SAMD5: variants seen among roughly 807,000 people sequenced by gnomAD.
SAMD5 encodes the protein sterile alpha motif domain-containing protein 5.
SAMD5 carries 13 observed loss-of-function variants against 11.3 expected under a neutral mutation model. That is an observed-to-expected ratio of 1.15 (90% CI 0.75 to 1.83). The LOEUF (loss-of-function observed/expected upper bound fraction) is 1.83. SAMD5 is among the 40% of genes most tolerant of loss of function. The probability of loss-of-function intolerance (pLI) is 0.00; values close to 1 mark genes in which losing one functional copy is unlikely to be tolerated. For synonymous variants in SAMD5, 129 were observed against 111.3 expected, an observed-to-expected ratio of 1.16 and a Z score of -1.00; for missense variants, 255 against 239.1, an observed-to-expected ratio of 1.07 and a Z score of -0.44.
intron 1 of SAMD5, among the ~76,000 whole-genome samples, chr6:147,525,492 T>C (rs555298467): frequency 2.6e-5 from 4 of 151,932 alleles, no homozygotes; most frequent in Admixed American, 2.6e-4. Context: ...AATCTTTCAG[T>C]AAACTCTATT....
At chr6:147,582,050 G>A (rs1789305980) in intron 1 of SAMD5, among the ~76,000 whole-genome samples, 4 of 152,104 alleles carry the variant, frequency 2.6e-5, no homozygotes, top group South Asian at 4.2e-4. Flanking sequence ...AGAGAGGGAT[G>A]ACTTTCAGTT....
intron 1 of SAMD5, among the ~76,000 whole-genome samples, chr6:147,623,001 A>C (rs1163519569): frequency 6.6e-6 from 1 of 152,170 alleles, no homozygotes; most frequent in Admixed American, 6.5e-5. Flanking sequence ...CCTCATGATT[A>C]AATTACCTCC....
chr6:147,620,146 C>A (rs901993450), intron 1 of SAMD5, among the ~76,000 whole-genome samples: 4 of 152,182 alleles, frequency 2.6e-5, no homozygotes, highest in African/African-American at 9.7e-5. Context: ...TAGGGAAGCC[C>A]CGTGCGTTCC....
At position 147,568,608 on chromosome 6, in the gene SAMD5, T is replaced by A. The variant is rs1789082023; in HGVS notation, c.*4152T>A. On this transcript the variant is annotated 3_prime_UTR_variant, in exon 2 of 2. Coordinates refer to ENST00000367474, the MANE Select transcript of SAMD5 (RefSeq NM_001030060.3). The stretch of plus-strand genomic sequence containing the variant: ...ATTTTTTATATCAGCTGACATCTTG[T>A]GCTTACAGTAAAGCCATATAGATGC... The A allele has an allele frequency of 1.0e-6, 1 of 985,242 alleles. No homozygotes were observed. Among genetic ancestry groups the A allele is most frequent in the Non-Finnish European group, 1.2e-6 (1 of 829,858 alleles). The allele number at this position is 985,242 out of a possible 1,614,324, so 61.0% of individuals were successfully genotyped here. A position where few individuals can be genotyped will look rare whatever the true frequency, so the allele number is the denominator to read the frequency against.
the SAMD5 span, among the ~76,000 whole-genome samples, chr6:147,875,823 G>A: frequency 1.3e-5 from 2 of 152,116 alleles, no homozygotes; most frequent in African/African-American, 4.8e-5. Context: ...AACCCCAGAT[G>A]GGACCATCTA....
chr6:147,816,301 A>AAAAAAAAAAAAAAAAATATATAT, the SAMD5 span, among the ~76,000 whole-genome samples: 1 of 66,352 alleles, frequency 1.5e-5, no homozygotes, highest in African/African-American at 1.0e-4. Flanking sequence ...AAAAAAAAAA[A>AAAAAAAAAAAAAAAAATATATAT]ATATATATAT....
At chr6:147,669,344 A>G (rs903695072) in intron 1 of SAMD5, among the ~76,000 whole-genome samples, 1 of 151,872 alleles carries the variant, frequency 6.6e-6, no homozygotes, top group Non-Finnish European at 1.5e-5. Flanking sequence ...TGACTCATTC[A>G]TAAGAAGCAA....
the SAMD5 span, among the ~76,000 whole-genome samples, chr6:147,745,993 C>T: frequency 1.6e-4 from 24 of 152,182 alleles, no homozygotes; most frequent in African/African-American, 3.6e-4. Flanking sequence ...CTGCGCTTCT[C>T]GGCCTCCCAG....
At chr6:147,634,569 A>G (rs1306442118) in intron 1 of SAMD5, among the ~76,000 whole-genome samples, 1 of 152,244 alleles carries the variant, frequency 6.6e-6, no homozygotes, top group Non-Finnish European at 1.5e-5. Flanking sequence ...TCCTTTTTAC[A>G]GCAGAGTAAT....
At chr6:147,731,720 T>C (rs1473083393) in intron 1 of SAMD5, among the ~76,000 whole-genome samples, 4 of 132,364 alleles carry the variant, frequency 3.0e-5, no homozygotes, top group African/African-American at 1.1e-4. Context: ...CTTCCTTCCT[T>C]CTTTCCTTCC....
At chr6:147,511,373 T>A (rs1788086000) in intron 1 of SAMD5, among the ~76,000 whole-genome samples, 1 of 152,232 alleles carries the variant, frequency 6.6e-6, no homozygotes, top group Non-Finnish European at 1.5e-5. Context: ...GTGGGTGCTA[T>A]GGTAGTGCAT....
intron 1 of SAMD5, among the ~76,000 whole-genome samples, chr6:147,682,324 G>A (rs1790951512): frequency 6.6e-6 from 1 of 152,204 alleles, no homozygotes; most frequent in South Asian, 2.1e-4. Context: ...GTCATTTCAA[G>A]TGGGAGGATA....
At chr6:147,708,381 G>C (rs1278183342) in intron 1 of SAMD5, among the ~76,000 whole-genome samples, 1 of 152,188 alleles carries the variant, frequency 6.6e-6, no homozygotes, top group African/African-American at 2.4e-5. Flanking sequence ...TGTACTTCCA[G>C]CCTCTCCTTT....
At chr6:147,805,714 C>T in the SAMD5 span, among the ~76,000 whole-genome samples, 4 of 152,064 alleles carry the variant, frequency 2.6e-5, no homozygotes, top group African/African-American at 9.7e-5. Context: ...GTAAAAGCTA[C>T]AGTGCCTCAG....
chr6:147,641,886 T>C (rs1277039569), intron 1 of SAMD5, among the ~76,000 whole-genome samples: 1 of 152,208 alleles, frequency 6.6e-6, no homozygotes, highest in Non-Finnish European at 1.5e-5. Flanking sequence ...CATTTTCCCC[T>C]CAATTTATTT....
chr6:147,890,225 GA>G, the SAMD5 span, among the ~76,000 whole-genome samples: 814 of 151,348 alleles, frequency 5.4e-3, 11 homozygotes, highest in African/African-American at 0.018. Flanking sequence ...AAATCATTAA[GA>G]AAAAAAGATA....
At chr6:147,575,108 T>C (rs1333965154) in intron 1 of SAMD5, among the ~76,000 whole-genome samples, 1 of 152,248 alleles carries the variant, frequency 6.6e-6, no homozygotes, top group Non-Finnish European at 1.5e-5. Flanking sequence ...TGAACATACA[T>C]AACAATGAAA....
At position 147,631,048 on chromosome 6, in the gene SAMD5, G is replaced by T. The variant is rs576749930; in HGVS notation, c.163-106269G>T. 3.0e-4 allele frequency among the ~76,000 whole-genome samples: 46 copies of T among 152,078 alleles called. 1 individual carries two copies. The highest frequency in any genetic ancestry group is 5.3e-4 in the Non-Finnish European group (36 of 67,974). On this transcript the variant is annotated intron_variant, in intron 1 of 1. Coordinates refer to the SAMD5 transcript ENST00000566741. ...CCACTTTGTGGGGGTGGTATGGAGA[G>T]ATAATGGGCGATGTTTCTCAGGGCT...
chr6:147,518,994 A>G (rs1339926445), intron 1 of SAMD5, among the ~76,000 whole-genome samples: 1 of 152,248 alleles, frequency 6.6e-6, no homozygotes, highest in Non-Finnish European at 1.5e-5. Flanking sequence ...CTAATAGTTT[A>G]AAGATATCTC....
Sources: allele counts gnomAD v4.1 joint callset (sites outside exome capture counted in the v4.1 genomes callset), GRCh38; gene constraint gnomAD v4.1.1; transcripts MANE v1.5; gene names NCBI Gene and HGNC (gene_info 2026-07-23, HGNC 2026-07-21).